Variants in ADAMTS7 observed in about 807,000 individuals in gnomAD.
ADAMTS7 encodes the protein ADAM metallopeptidase with thrombospondin type 1 motif 7.
ADAMTS7 carries 89 observed loss-of-function variants against 172.6 expected under a neutral mutation model. That is an observed-to-expected ratio of 0.52 (90% CI 0.43 to 0.61). The LOEUF is 0.61. Ranked by LOEUF, ADAMTS7 falls within the 20% of genes least tolerant of loss-of-function variation. The pLI is 0.00. For missense variants in ADAMTS7, 1,973 were observed against 2,355.6 expected (o/e 0.84, Z 3.36); for synonymous variants, 885 against 978.4 (o/e 0.90, Z 1.78).
intron 4 of ADAMTS7, 99 bp from the exon 5 acceptor site, chr15:78,791,322 C>T (rs2055579035): frequency 5.3e-6 from 5 of 942,840 alleles, no homozygotes; most frequent in Non-Finnish European, 8.0e-6. Flanking sequence ...CAACGCACAC[C>T]TGTGCTCACA....
In ADAMTS7 at chr15:78,764,653, C is replaced by G. The variant is rs752432985; in HGVS notation, c.4321G>C (p.Gly1441Arg). The G allele has an allele frequency of 3.6e-5, 56 of 1,576,708 alleles. No homozygotes were observed. In the East Asian group the frequency reaches 9.1e-4, roughly 26 times the overall value. ...GCGGGGGCGCAGTCCTCATCCCGGCCGGAGCTACAGCGCACCGGCCTCCAG... is the reference window on the plus strand; with the variant it reads ...GCGGGGGCGCAGTCCTCATCCCGGCGGGAGCTACAGCGCACCGGCCTCCAG... ...AVWRPVRCSS[G>R]RDEDCAPAGR... Residue 1441 changes from glycine (G) to arginine (R), a missense_variant, in exon 20 of 24, where the codon GGC becomes CGC. Gly to Arg is a moderately radical substitution (Grantham distance 125, BLOSUM62 -2). Transcript: ENST00000388820.
chr15:78,788,121 G>A, intron 8 of ADAMTS7, 110 bp downstream of exon 8: 1 of 1,422,538 alleles, frequency 7.0e-7, no homozygotes, highest in South Asian at 1.3e-5. Flanking sequence ...TCAAGATCTT[G>A]CCCCTCTGCT....
chr15:78,765,547 C>G, intron 19 of ADAMTS7, 98 bp downstream of exon 19: 7 of 1,562,638 alleles, frequency 4.5e-6, no homozygotes, highest in Non-Finnish European at 5.2e-6. Context: ...AGAGGCTAGA[C>G]AGACGGCGCC....
chr15:78,759,538 C>T lies in ADAMTS7; in HGVS notation c.4944G>A (p.Thr1648=), dbSNP rs1045121. ...RDRLSFGFCE[T]LRLLGRCQLP... is the part of the protein sequence containing the mutation. ...GCTGGCAGCGGCCCAGTAGGCGCAG[C>T]GTCTCGCAGAACCCGAAGGACAGGC... Residue 1648 remains threonine, a synonymous_variant, in exon 24 of 24, where the codon ACG becomes ACA. Transcript: ENST00000388820. 5.2e-4 allele frequency: 815 copies of T among 1,576,768 alleles called. 8 individuals are homozygous for T. The highest frequency in any genetic ancestry group is 4.7e-3 in the South Asian group (417 of 88,620).
chr15:78,767,514 G>A lies in ADAMTS7; in HGVS notation c.2724C>T (p.Ile908=), dbSNP rs1370577601. The A allele has an allele frequency of 4.4e-5, 71 of 1,607,176 alleles. No individual in the cohort carries two copies. Among genetic ancestry groups the A allele is most frequent in the Non-Finnish European group, 5.6e-5 (66 of 1,178,104 alleles). The part of the protein sequence containing the change: ...GGLSRRAVLC[I]RSVGLDEQSA... The stretch of plus-strand genomic sequence containing the variant: ...TCTGCTCATCCAGCCCCACGCTGCG[G>A]ATGCAGAGCACGGCCCGGCGGGAGA... Residue 908 remains isoleucine (I), a synonymous_variant, in exon 18 of 24, where the codon ATC becomes ATT. Coordinates refer to ENST00000388820, the MANE Select transcript of ADAMTS7 (RefSeq NM_014272.5).
At chr15:78,794,574 G>A (rs2055619566) in intron 4 of ADAMTS7, among the ~76,000 whole-genome samples, 1 of 152,070 alleles carries the variant, frequency 6.6e-6, no homozygotes, top group Non-Finnish European at 1.5e-5. Flanking sequence ...CCCGAGGATG[G>A]GGCTCACCAA....
intron 7 of ADAMTS7, among the ~76,000 whole-genome samples, chr15:78,788,688 C>G (rs1226800488): frequency 6.6e-6 from 1 of 152,248 alleles, no homozygotes; most frequent in East Asian, 1.9e-4. Flanking sequence ...CAGATGTGGG[C>G]CCGTGATGGC....
chr15:78,802,079 C>T (rs2055732654), intron 1 of ADAMTS7, among the ~76,000 whole-genome samples: 1 of 152,112 alleles, frequency 6.6e-6, no homozygotes, highest in Admixed American at 6.5e-5. Context: ...TCAAGCGATC[C>T]TCCCACCTCA....
chr15:78,805,488 G>A (rs929246976), intron 1 of ADAMTS7, among the ~76,000 whole-genome samples: 4 of 152,112 alleles, frequency 2.6e-5, no homozygotes, highest in African/African-American at 4.8e-5. Context: ...TATGCTCCCC[G>A]GTCCTCAGTC....
chr15:78,760,093 AG>A (rs199936661), intron 23 of ADAMTS7, among the ~76,000 whole-genome samples: 17,351 of 150,542 alleles, frequency 0.12, 1,623 homozygotes, highest in African/African-American at 0.26. Flanking sequence ...TCTGAGTCAC[AG>A]GGTCCCATCT....
At chr15:78,759,837 C>A (rs994212181) in intron 23 of ADAMTS7, among the ~76,000 whole-genome samples, 4 of 152,168 alleles carry the variant, frequency 2.6e-5, no homozygotes, top group African/African-American at 9.7e-5. Context: ...TGAGACCCCA[C>A]CCTGACCCCC....
At chr15:78,775,370 G>C (rs567741769) in intron 11 of ADAMTS7, among the ~76,000 whole-genome samples, 1 of 152,194 alleles carries the variant, frequency 6.6e-6, no homozygotes, top group Admixed American at 6.5e-5. Flanking sequence ...GCTCAGACCT[G>C]GAGGCCAGGA....
intron 3 of ADAMTS7, among the ~76,000 whole-genome samples, chr15:78,797,153 C>T (rs997897469): frequency 6.6e-6 from 1 of 152,224 alleles, no homozygotes; most frequent in Non-Finnish European, 1.5e-5. Context: ...CACTTCCTCC[C>T]ACCCTGGGGG....
In ADAMTS7 at chr15:78,782,743, A is replaced by G. The variant is rs142352737; in HGVS notation, c.1323-5155T>C. Among the ~76,000 whole-genome samples the G allele has an allele frequency of 4.2e-3, 641 of 152,084 alleles. 12 individuals are homozygous for G. Among genetic ancestry groups the G allele is most frequent in the Admixed American group, 0.032 (484 of 15,264 alleles). On this transcript the variant is annotated intron_variant, in intron 8 of 23. Transcript: ENST00000388820. ...AAGGAGAAGCCCGGAAAGGCTCAGG[A>G]ATGGAGTTTCCAGGGACCCCTCAGG... is the stretch of plus-strand genomic sequence containing the variant.
intron 23 of ADAMTS7, among the ~76,000 whole-genome samples, chr15:78,760,146 AGAGT>A (rs2055019642): frequency 6.6e-6 from 1 of 151,884 alleles, no homozygotes; most frequent in African/African-American, 2.4e-5. Context: ...CACGAAGCCT[AGAGT>A]GAGTGGGCCT....
intron 23 of ADAMTS7, among the ~76,000 whole-genome samples, chr15:78,761,112 G>T (rs1490139521): frequency 6.6e-6 from 1 of 152,246 alleles, no homozygotes; most frequent in Non-Finnish European, 1.5e-5. Flanking sequence ...GGCAGGACAG[G>T]GTGGGGGCGC....
intron 4 of ADAMTS7, among the ~76,000 whole-genome samples, chr15:78,795,171 C>G (rs2055626947): frequency 6.6e-6 from 1 of 152,236 alleles, no homozygotes; most frequent in Non-Finnish European, 1.5e-5. Flanking sequence ...GAGGGAACCT[C>G]AGGGCCTGAG....
At position 78,763,726 on chromosome 15, in the gene ADAMTS7, C is replaced by A. The variant is rs188808047; in HGVS notation, c.4713G>T (p.Thr1571=). The A allele has an allele frequency of 5.8e-3, 9,066 of 1,566,394 alleles. 70 individuals are homozygous for A. The highest frequency in any genetic ancestry group is 5.8e-3 in the Non-Finnish European group (6,726 of 1,157,402). Residue 1571 remains threonine (T), a synonymous_variant, in exon 22 of 24, where the codon ACG becomes ACT. Transcript: ENST00000388820. The part of the protein sequence containing the change: ...TTRPCNTHPC[T]QWVVGPWGQC... ...GGCCCCAGGGCCCCACCACCCACTG[C>A]GTGCAGGGGTGGGTGTTGCAGGGCC...
chr15:78,794,633 C>T (rs2055620407), intron 4 of ADAMTS7, among the ~76,000 whole-genome samples: 2 of 152,236 alleles, frequency 1.3e-5, no homozygotes, highest in Non-Finnish European at 2.9e-5. Flanking sequence ...AGGAAGGGGC[C>T]AGGCCCTGGG....
Sources: gnomAD v4.1 joint callset for allele counts (sites outside exome capture counted in the v4.1 genomes callset) on GRCh38, gnomAD v4.1.1 for gene constraint, MANE v1.5 for transcripts, NCBI Gene and HGNC (gene_info 2026-07-23, HGNC 2026-07-21) for gene names.